Variants in ABLIM2 observed in about 807,000 individuals in gnomAD.
ABLIM2 encodes the protein actin-binding LIM protein 2.
Under a neutral mutation model 97.7 loss-of-function variants are expected in ABLIM2, and 53 were observed. The ratio of observed to expected loss-of-function variants is 0.54; its 90% CI spans 0.44 to 0.68. ABLIM2 has a LOEUF of 0.68. Among genes scored for constraint, ABLIM2 ranks in the 30% least tolerant of loss-of-function variants. The probability of loss-of-function intolerance (pLI) is 0.00; values close to 1 mark genes in which losing one functional copy is unlikely to be tolerated. For missense variants in ABLIM2, 835 were observed against 867.2 expected (o/e 0.96, Z 0.47); for synonymous variants, 361 against 345.8 (o/e 1.04, Z -0.49).
In ABLIM2 at chr4:8,054,376, C is replaced by T. The variant is rs1229136449; in HGVS notation, c.764-130G>A. On this transcript the variant is annotated intron_variant, in intron 7 of 20. Coordinates refer to ENST00000447017, the MANE Select transcript of ABLIM2 (RefSeq NM_001130083.2). The surrounding 1 kb of genome is among the most constrained non-coding windows in gnomAD (Gnocchi z 4.9). ...CTCGGACTCCACCCTCCAAGCGGCC[C>T]TGAGCATCCTCTCTGTGCTGGAGTT... 1 of 934,180 alleles carries T rather than the reference C, an allele frequency of 1.1e-6. No homozygotes were observed. Among genetic ancestry groups the T allele is most frequent in the African/African-American group, 1.6e-5 (1 of 61,430 alleles). The allele number at this position is 934,180 out of a possible 1,614,324, so 57.9% of individuals were successfully genotyped here. A position where few individuals can be genotyped will look rare whatever the true frequency, so the allele number is the denominator to read the frequency against.
intron 20 of ABLIM2, among the ~76,000 whole-genome samples, chr4:7,971,191 C>T (rs1461454049): frequency 6.6e-6 from 1 of 152,170 alleles, no homozygotes; most frequent in Non-Finnish European, 1.5e-5. Context: ...TCACTCAGGG[C>T]CAGAGGCAGG....
chr4:7,971,337 C>T (rs372215670), intron 20 of ABLIM2, among the ~76,000 whole-genome samples: 96 of 152,300 alleles, frequency 6.3e-4, no homozygotes, highest in African/African-American at 2.2e-3. Context: ...GAGTGCACCT[C>T]ACCCCCAGGG....
chr4:8,093,108 C>G (rs1829728754), intron 3 of ABLIM2, among the ~76,000 whole-genome samples: 1 of 152,224 alleles, frequency 6.6e-6, no homozygotes, highest in African/African-American at 2.4e-5. Context: ...CTCAGCCTCC[C>G]AAAGTGCTGG....
rs1169813320 is a variant in ABLIM2 at position 8,091,382 on chromosome 4, T to C, written c.339-3098A>G. On this transcript the variant is annotated intron_variant, in intron 3 of 20. Coordinates refer to ENST00000447017, the MANE Select transcript of ABLIM2 (RefSeq NM_001130083.2). ...ATATATATTATATTACATATAATTA[T>C]ATTATATATAATTATATGTAATATA... Among the ~76,000 whole-genome samples, 7 of 51,816 alleles carry C rather than the reference T, an allele frequency of 1.4e-4. 1 individual carries two copies. Among genetic ancestry groups the C allele is most frequent in the African/African-American group, 5.1e-4 (7 of 13,648 alleles). The allele number at this position is 51,816 out of a possible 152,430, so 34.0% of individuals were successfully genotyped here. A position where few individuals can be genotyped will look rare whatever the true frequency, so the allele number is the denominator to read the frequency against.
chr4:8,006,785 C>G (rs897963540), intron 16 of ABLIM2, among the ~76,000 whole-genome samples: 3 of 152,210 alleles, frequency 2.0e-5, no homozygotes, highest in African/African-American at 7.2e-5. Flanking sequence ...CCCATAGCCC[C>G]CTTGCCCTGC....
In ABLIM2 at chr4:8,004,661, C is replaced by T. The variant is rs571780894; in HGVS notation, c.1618+3398G>A. On this transcript the variant is annotated intron_variant, in intron 16 of 20. Transcript: ENST00000447017. This position sits in a 1 kb window ranked among gnomAD's most constrained non-coding sequence, Gnocchi z 5.9. ...GCAGCAGGCCCTACTGCCGGGGACACGGAGTCCACACCACCTTGTGTTCCT... is the reference window on the plus strand; with the variant it reads ...GCAGCAGGCCCTACTGCCGGGGACATGGAGTCCACACCACCTTGTGTTCCT... Among the ~76,000 whole-genome samples, 19 of 152,240 alleles carry T rather than the reference C, an allele frequency of 1.2e-4. No individual in the cohort carries two copies. The highest frequency in any genetic ancestry group is 3.9e-4 in the African/African-American group (16 of 41,532).
chr4:8,071,473 A>G lies in ABLIM2; in HGVS notation c.675+6155T>C, dbSNP rs1341252208. On this transcript the variant is annotated intron_variant, in intron 6 of 20. Transcript: ENST00000447017. The surrounding 1 kb of genome is among the most constrained non-coding windows in gnomAD (Gnocchi z 6.2). ...ACCACCAAATGCACATTTCGCGGGCAGGCGGGCACTGCGGGCGCCAGCACT... is the reference window on the plus strand; with the variant it reads ...ACCACCAAATGCACATTTCGCGGGCGGGCGGGCACTGCGGGCGCCAGCACT... Among the ~76,000 whole-genome samples, 1 of 152,220 alleles carries G rather than the reference A, an allele frequency of 6.6e-6. No individual in the cohort carries two copies. The highest frequency in any genetic ancestry group is 1.9e-4 in the East Asian group (1 of 5,190).
At position 8,068,990 on chromosome 4, in the gene ABLIM2, G is replaced by C. The variant is rs544347023; in HGVS notation, c.676-7936C>G. On this transcript the variant is annotated intron_variant, in intron 6 of 20. Coordinates refer to ENST00000447017, the MANE Select transcript of ABLIM2 (RefSeq NM_001130083.2). The surrounding 1 kb of genome is among the most constrained non-coding windows in gnomAD (Gnocchi z 4.5). ...AATCCCCAGGGGCCACTGCATCCCA[G>C]AAAGAAGGGCCCCACTCTGAGCAGT... Among the ~76,000 whole-genome samples the C allele has an allele frequency of 4.6e-5, 7 of 152,394 alleles. No individual in the cohort carries two copies. In the South Asian group the frequency reaches 6.2e-4, roughly 14 times the overall value.
rs533761433 is a variant in ABLIM2, at chr4:8,150,831, C to T, written c.10+7849G>A. On this transcript the variant is annotated intron_variant, in intron 1 of 20. Coordinates refer to ENST00000447017, the MANE Select transcript of ABLIM2 (RefSeq NM_001130083.2). The surrounding 1 kb of genome is among the most constrained non-coding windows in gnomAD (Gnocchi z 6.3). ...ACTGAGATGGGGCTGGCAGGGGAGACAGCAGGACCAGAGAAGGGGAGGGGA... is the reference window on the plus strand; with the variant it reads ...ACTGAGATGGGGCTGGCAGGGGAGATAGCAGGACCAGAGAAGGGGAGGGGA... 6.6e-6 allele frequency among the ~76,000 whole-genome samples: 1 copy of T among 152,272 alleles called. No individual in the cohort carries two copies. Among genetic ancestry groups the T allele is most frequent in the African/African-American group, 2.4e-5 (1 of 41,552 alleles).
At position 8,075,513 on chromosome 4, in the gene ABLIM2, T is replaced by C. The variant is rs976038024; in HGVS notation, c.675+2115A>G. Among the ~76,000 whole-genome samples the C allele has an allele frequency of 6.6e-6, 1 of 152,078 alleles. No homozygotes were observed. The highest frequency in any genetic ancestry group is 1.5e-5 in the Non-Finnish European group (1 of 68,002). ...CTCGAGACCAGCTTGGGTGACATAG[T>C]GAGACCCTGTCTCTACAAAAACTAC... On this transcript the variant is annotated intron_variant, in intron 6 of 20. Coordinates refer to ENST00000447017, the MANE Select transcript of ABLIM2 (RefSeq NM_001130083.2). The surrounding 1 kb of genome is among the most constrained non-coding windows in gnomAD (Gnocchi z 4.4).
chr4:8,094,931 C>T (rs1409729822), intron 3 of ABLIM2, among the ~76,000 whole-genome samples: 2 of 147,434 alleles, frequency 1.4e-5, no homozygotes, highest in Non-Finnish European at 3.0e-5. Flanking sequence ...CTCCCTCCCT[C>T]CCTTTCTTCC....
intron 8 of ABLIM2, among the ~76,000 whole-genome samples, chr4:8,052,925 G>GT (rs1350614117): frequency 1.3e-5 from 2 of 152,316 alleles, no homozygotes; most frequent in African/African-American, 4.8e-5. Flanking sequence ...ACATTCGAGA[G>GT]TAAGTGGGAG....
At chr4:8,081,711 T>C (rs573226199) in intron 4 of ABLIM2, among the ~76,000 whole-genome samples, 17 of 152,236 alleles carry the variant, frequency 1.1e-4, no homozygotes, top group African/African-American at 3.6e-4. Flanking sequence ...CCTGTGAATA[T>C]ATGAGGTCAG....
chr4:8,069,185 C>A lies in ABLIM2; in HGVS notation c.676-8131G>T, dbSNP rs184707196. On this transcript the variant is annotated intron_variant, in intron 6 of 20. Coordinates refer to ENST00000447017, the MANE Select transcript of ABLIM2 (RefSeq NM_001130083.2). This position sits in a 1 kb window ranked among gnomAD's most constrained non-coding sequence, Gnocchi z 4.2. ...TGAGCCTCAGGAGCGCTTGGCCCAG[C>A]GGCCTCATTCTCTGCTGTACCCCGG... 1.3e-5 allele frequency among the ~76,000 whole-genome samples: 2 copies of A among 152,278 alleles called. No individual in the cohort carries two copies. Among genetic ancestry groups the A allele is most frequent in the Admixed American group, 1.3e-4 (2 of 15,292 alleles).
At position 8,125,897 on chromosome 4, in the gene ABLIM2, T is replaced by C. The variant is rs1047525137; in HGVS notation, c.11-19260A>G. On this transcript the variant is annotated intron_variant, in intron 1 of 20. Transcript: ENST00000447017. The surrounding 1 kb of genome is among the most constrained non-coding windows in gnomAD (Gnocchi z 6.2). The stretch of plus-strand genomic sequence containing the variant: ...CACACTCGGCTGTGCGTGGGCAGCC[T>C]TGGGGGACCCGCCGCTTTTGGGAAC... Among the ~76,000 whole-genome samples the C allele has an allele frequency of 2.0e-4, 31 of 152,172 alleles. No homozygotes were observed. Among genetic ancestry groups the C allele is most frequent in the African/African-American group, 6.8e-4 (28 of 41,448 alleles).
In ABLIM2 at chr4:8,120,373, C is replaced by T. The variant is rs942750060; in HGVS notation, c.11-13736G>A. Among the ~76,000 whole-genome samples, 5 of 152,160 alleles carry T rather than the reference C, an allele frequency of 3.3e-5. No homozygotes were observed. The highest frequency in any genetic ancestry group is 1.2e-4 in the African/African-American group (5 of 41,436). On this transcript the variant is annotated intron_variant, in intron 1 of 20. Transcript: ENST00000447017. The surrounding 1 kb of genome is among the most constrained non-coding windows in gnomAD (Gnocchi z 5.6). Reference sequence around the variant, plus strand: ...GTGATCTGGAGGGTGGGTCCTCATCCAGTCTGACTGGTGTCAGAAAAAGGG... The same window carrying T: ...GTGATCTGGAGGGTGGGTCCTCATCTAGTCTGACTGGTGTCAGAAAAAGGG...
chr4:8,043,968 G>A lies in ABLIM2; in HGVS notation c.900+1196C>T, dbSNP rs1389847246. Among the ~76,000 whole-genome samples the A allele has an allele frequency of 6.6e-6, 1 of 152,158 alleles. No homozygotes were observed. The highest frequency in any genetic ancestry group is 1.9e-4 in the East Asian group (1 of 5,176). ...TTCATGCGCCCGCCTAAGCTTCAGA[G>A]TGCACATCCCAAGCGCCACAGTGCC... On this transcript the variant is annotated intron_variant, in intron 9 of 20. Coordinates refer to ENST00000447017, the MANE Select transcript of ABLIM2 (RefSeq NM_001130083.2). This position sits in a 1 kb window ranked among gnomAD's most constrained non-coding sequence, Gnocchi z 4.8.
chr4:8,002,216 C>A lies in ABLIM2; in HGVS notation c.1618+5843G>T, dbSNP rs991194400. On this transcript the variant is annotated intron_variant, in intron 16 of 20. Coordinates refer to ENST00000447017, the MANE Select transcript of ABLIM2 (RefSeq NM_001130083.2). This position sits in a 1 kb window ranked among gnomAD's most constrained non-coding sequence, Gnocchi z 6.1. ...CTGAGCTCCGTCTGCCCCCTGGCAA[C>A]CCCCCGGACGTCTCAGGCTCTCCAA... 3.9e-5 allele frequency among the ~76,000 whole-genome samples: 6 copies of A among 152,152 alleles called. No individual in the cohort carries two copies. The highest frequency in any genetic ancestry group is 8.8e-5 in the Non-Finnish European group (6 of 68,032).
rs1460019089 is a variant in ABLIM2, at chr4:8,082,805, G to C, written c.455-2003C>G. ...ATGCCTCCGCCCTTCTCAAGTCCAG[G>C]AGGCGACCCCCACATCACCCAATCT... On this transcript the variant is annotated intron_variant, in intron 4 of 20. Transcript: ENST00000447017. This position sits in a 1 kb window ranked among gnomAD's most constrained non-coding sequence, Gnocchi z 5.6. Among the ~76,000 whole-genome samples the C allele has an allele frequency of 4.6e-5, 7 of 152,206 alleles. No homozygotes were observed. The highest frequency in any genetic ancestry group is 1.0e-4 in the Non-Finnish European group (7 of 68,044).
Sources: allele counts gnomAD v4.1 joint callset (sites outside exome capture counted in the v4.1 genomes callset), GRCh38; gene constraint gnomAD v4.1.1; non-coding constraint Gnocchi (gnomAD v3.1); transcripts MANE v1.5; gene names NCBI Gene and HGNC (gene_info 2026-07-23, HGNC 2026-07-21).